LGSN: variants seen among roughly 807,000 people sequenced by gnomAD.
The protein encoded by LGSN is lengsin, lens protein with glutamine synthetase domain.
Under a neutral mutation model 19.5 loss-of-function variants are expected in LGSN, and 21 were observed. The ratio of observed to expected loss-of-function variants is 1.07; its 90% CI spans 0.76 to 1.55. LGSN has a LOEUF of 1.55. LGSN is among the 40% of genes most tolerant of loss of function. The pLI is 0.00. For missense variants in LGSN, 673 were observed against 608.5 expected, an observed-to-expected ratio of 1.11 and a Z score of -1.12; for synonymous variants, 257 against 215.6, an observed-to-expected ratio of 1.19 and a Z score of -1.68.
chr6:63,454,880 C>A, the LGSN span, among the ~76,000 whole-genome samples: 3 of 146,328 alleles, frequency 2.1e-5, no homozygotes, highest in East Asian at 2.0e-4. Context: ...GCAACCTCCA[C>A]GTCCTGAGTT....
the LGSN span, among the ~76,000 whole-genome samples, chr6:63,524,417 T>A: frequency 6.6e-6 from 1 of 152,190 alleles, no homozygotes; most frequent in African/African-American, 2.4e-5. Context: ...GCAGATGAAT[T>A]TCTTCTAAGA....
chr6:63,421,438 A>G, the LGSN span, among the ~76,000 whole-genome samples: 2 of 147,256 alleles, frequency 1.4e-5, no homozygotes, highest in African/African-American at 5.0e-5. Flanking sequence ...AAAAAAAATT[A>G]TTCAGTCGGG....
At chr6:63,562,951 C>T in the LGSN span, among the ~76,000 whole-genome samples, 1,777 of 152,246 alleles carry the variant, frequency 0.012, 27 homozygotes, top group African/African-American at 0.04. Context: ...AAAACCATGG[C>T]CTTATATCTC....
At chr6:63,398,453 T>TA in the LGSN span, among the ~76,000 whole-genome samples, 1 of 151,874 alleles carries the variant, frequency 6.6e-6, no homozygotes, top group Admixed American at 6.6e-5. Flanking sequence ...GCCTTAAAAG[T>TA]AAAAAATACA....
the LGSN span, among the ~76,000 whole-genome samples, chr6:63,456,346 AATATACATATATATATATAT>A: frequency 0.057 from 5,746 of 100,454 alleles, 562 homozygotes; most frequent in Middle Eastern, 0.1. Context: ...ACTTGGCAGA[AATATACATATATATATATAT>A]ATATATATAT....
At chr6:63,416,228 C>T in the LGSN span, among the ~76,000 whole-genome samples, 1 of 151,568 alleles carries the variant, frequency 6.6e-6, no homozygotes, top group African/African-American at 2.4e-5. Context: ...GTCTCAAATG[C>T]TCCTAAGACA....
At chr6:63,342,135 C>T in the LGSN span, among the ~76,000 whole-genome samples, 1 of 152,170 alleles carries the variant, frequency 6.6e-6, no homozygotes, top group Non-Finnish European at 1.5e-5. Flanking sequence ...GCAGAGGTAT[C>T]TTTGTAAGGC....
In LGSN at chr6:63,285,746, C is replaced by T. The variant is rs777977947; in HGVS notation, c.171G>A (p.Met57Ile). The change falls in exon 3 of 4, where the codon ATG (methionine) becomes ATA (isoleucine). Residue 57 changes from methionine (M) to isoleucine (I), a missense_variant. By Grantham distance (10) the Met-to-Ile change is conservative. Transcript: ENST00000370657. ...ETDMSNSNDCMRDSSQILTPP... is the reference protein window; with the variant it reads ...ETDMSNSNDCIRDSSQILTPP... ...GGGTCAAAATTTGACTGCTGTCCCT[C>T]ATGCAATCTGCAAAATAAAAAAATA... 6.2e-7 allele frequency: 1 copy of T among 1,613,730 alleles called. No homozygotes were observed. The highest frequency in any genetic ancestry group is 1.7e-5 in the Admixed American group (1 of 59,972).
At chr6:63,299,980 G>A (rs948393351) in intron 1 of LGSN, among the ~76,000 whole-genome samples, 4 of 152,184 alleles carry the variant, frequency 2.6e-5, no homozygotes, top group African/African-American at 9.7e-5. Context: ...GGGTTCCCCT[G>A]AAGCCTTTCA....
At chr6:63,422,497 C>G in the LGSN span, among the ~76,000 whole-genome samples, 2 of 152,078 alleles carry the variant, frequency 1.3e-5, no homozygotes, top group African/African-American at 4.8e-5. Flanking sequence ...GCTTTCTGCT[C>G]AATTTTGCTA....
At chr6:63,320,600 T>C (rs901143206), upstream of LGSN, among the ~76,000 whole-genome samples, 7 of 152,230 alleles carry the variant, frequency 4.6e-5, no homozygotes, top group Admixed American at 2.0e-4. Context: ...GGCTGCCCCA[T>C]ATGGTCCCAT....
chr6:63,462,497 C>T, the LGSN span, among the ~76,000 whole-genome samples: 2 of 152,222 alleles, frequency 1.3e-5, no homozygotes, highest in East Asian at 1.9e-4. Context: ...ATCAGTTGGA[C>T]ATGGTGATGC....
chr6:63,383,503 C>A, the LGSN span, among the ~76,000 whole-genome samples: 1 of 151,762 alleles, frequency 6.6e-6, no homozygotes, highest in African/African-American at 2.4e-5. Flanking sequence ...AGAGATAAAC[C>A]TTTTGAACAG....
At chr6:63,516,437 G>T in the LGSN span, among the ~76,000 whole-genome samples, 1 of 152,152 alleles carries the variant, frequency 6.6e-6, no homozygotes, top group Non-Finnish European at 1.5e-5. Flanking sequence ...ACTGTTTTAC[G>T]GTAGAAGCAC....
At chr6:63,454,801 T>TC in the LGSN span, among the ~76,000 whole-genome samples, 1 of 133,918 alleles carries the variant, frequency 7.5e-6, no homozygotes, top group African/African-American at 2.9e-5. Context: ...TTCTTTTTTT[T>TC]TTTTTTTTTT....
chr6:63,451,476 A>G, the LGSN span, among the ~76,000 whole-genome samples: 824 of 152,354 alleles, frequency 5.4e-3, 4 homozygotes, highest in South Asian at 0.024. Context: ...TATCCTTAGC[A>G]AACTAATGCA....
the LGSN span, among the ~76,000 whole-genome samples, chr6:63,489,657 G>T: frequency 6.6e-5 from 10 of 151,212 alleles, no homozygotes; most frequent in African/African-American, 2.4e-4. Flanking sequence ...GGCGTAAGCC[G>T]CCACACCCGA....
chr6:63,553,832 A>C, the LGSN span, among the ~76,000 whole-genome samples: 1 of 152,230 alleles, frequency 6.6e-6, no homozygotes, highest in East Asian at 1.9e-4. Context: ...CCAGCCTGGG[A>C]TTATAATTGT....
chr6:63,515,343 T>G, the LGSN span, among the ~76,000 whole-genome samples: 1 of 152,184 alleles, frequency 6.6e-6, no homozygotes, highest in South Asian at 2.1e-4. Context: ...GCAATTCTCC[T>G]GCCTCAGCTT....
Sources: allele counts gnomAD v4.1 joint callset (sites outside exome capture counted in the v4.1 genomes callset), GRCh38; gene constraint gnomAD v4.1.1; transcripts MANE v1.5; gene names NCBI Gene and HGNC (gene_info 2026-07-23, HGNC 2026-07-21).